Variants in TBC1D19 observed in about 807,000 individuals in gnomAD.
The protein encoded by TBC1D19 is TBC1 domain family, member 19.
In TBC1D19, 60 loss-of-function variants were observed where a neutral mutation model predicts 89.0. The ratio of observed to expected loss-of-function variants is 0.67; its 90% CI spans 0.55 to 0.84. TBC1D19 has a LOEUF of 0.84. Among genes scored for constraint, TBC1D19 ranks in the 40% least tolerant of loss-of-function variants. The pLI is 0.00. For missense variants in TBC1D19, 500 were observed against 610.8 expected, an observed-to-expected ratio of 0.82 and a Z score of 1.91; for synonymous variants, 189 against 199.7, an observed-to-expected ratio of 0.95 and a Z score of 0.45.
At position 26,646,233 on chromosome 4, in the gene TBC1D19, A is replaced by G. The variant is rs1389026258; in HGVS notation, c.480+6046A>G. The stretch of plus-strand genomic sequence containing the variant: ...GAAAAAATGCTCACCATCACTGGCC[A>G]TCAGAGAAATGCAAATCAAAACCAC... On this transcript the variant is annotated intron_variant, in intron 7 of 20. Transcript: ENST00000264866. Among the ~76,000 whole-genome samples the G allele has an allele frequency of 2.0e-5, 3 of 152,290 alleles. No individual in the cohort carries two copies. The East Asian group carries it at 5.8e-4, about 29-fold the overall frequency.
intron 12 of TBC1D19, among the ~76,000 whole-genome samples, chr4:26,686,146 T>C (rs1486085173): frequency 3.3e-5 from 5 of 152,178 alleles, no homozygotes; most frequent in Non-Finnish European, 7.3e-5. Context: ...AAAATCCCTG[T>C]TATTACAGCT....
At chr4:26,838,657 C>G in the TBC1D19 span, among the ~76,000 whole-genome samples, 1 of 152,182 alleles carries the variant, frequency 6.6e-6, no homozygotes, top group Admixed American at 6.5e-5. Context: ...CGGGAGGGAG[C>G]AGACTTCCTG....
At chr4:26,817,981 A>ATATATATATATATATATATATATATAT in the TBC1D19 span, among the ~76,000 whole-genome samples, 2 of 126,048 alleles carry the variant, frequency 1.6e-5, no homozygotes, top group African/African-American at 7.4e-5. Flanking sequence ...AAAAAAAAAA[A>ATATATATATATATATATATATATATAT]ATATATATAT....
rs1258997203 is a variant in TBC1D19, at chr4:26,654,951, G to A, written c.481-4646G>A. ...TTCCTTTGGAGGGGGAAAGGCACTC[G>A]ATTTTTAGAATTTTCAATTTTTCTG... is the stretch of plus-strand genomic sequence containing the variant. On this transcript the variant is annotated intron_variant, in intron 7 of 20. Transcript: ENST00000264866. Among the ~76,000 whole-genome samples the A allele has an allele frequency of 1.3e-5, 2 of 152,250 alleles. 1 individual carries two copies. The highest frequency in any genetic ancestry group is 4.1e-4 in the South Asian group (2 of 4,824).
chr4:26,623,085 G>A (rs923450636), intron 4 of TBC1D19, among the ~76,000 whole-genome samples: 4 of 151,992 alleles, frequency 2.6e-5, no homozygotes, highest in African/African-American at 9.7e-5. Context: ...CCTATTTTGG[G>A]GGGCAATTCT....
intron 13 of TBC1D19, among the ~76,000 whole-genome samples, chr4:26,695,819 G>A (rs1170294041): frequency 6.6e-6 from 1 of 152,120 alleles, no homozygotes; most frequent in Non-Finnish European, 1.5e-5. Flanking sequence ...GAGAGATTTT[G>A]TCACCACCAG....
intron 13 of TBC1D19, among the ~76,000 whole-genome samples, chr4:26,706,336 CTT>C (rs1322163471): frequency 6.6e-6 from 1 of 152,098 alleles, no homozygotes; most frequent in African/African-American, 2.4e-5. Flanking sequence ...ATAGTACTCT[CTT>C]ATAATCCTTT....
At chr4:26,851,311 A>ATCTGTCTGTCTG in the TBC1D19 span, among the ~76,000 whole-genome samples, 6 of 114,790 alleles carry the variant, frequency 5.2e-5, no homozygotes, top group African/African-American at 1.8e-4. Flanking sequence ...TACCCTATCT[A>ATCTGTCTGTCTG]TCTATCTATC....
chr4:26,828,423 G>C, the TBC1D19 span, among the ~76,000 whole-genome samples: 1 of 152,232 alleles, frequency 6.6e-6, no homozygotes, highest in African/African-American at 2.4e-5. Flanking sequence ...GAATGTTGGA[G>C]CTGGTAGTTT....
rs1308056353 is a variant in TBC1D19 at position 26,620,693 on chromosome 4, G to C, written c.294+5G>C. The C allele has an allele frequency of 3.7e-6, 6 of 1,612,046 alleles. No individual in the cohort carries two copies. The highest frequency in any genetic ancestry group is 5.1e-6 in the Non-Finnish European group (6 of 1,179,120). ...GTATACATGAGGAAAGCACAGGTTG[G>C]CTATTGTTCAATTTCATTTTATTTT... On this transcript the variant is annotated splice_donor_5th_base_variant and intron_variant, in intron 4 of 20. Coordinates refer to ENST00000264866, the MANE Select transcript of TBC1D19 (RefSeq NM_018317.4).
chr4:26,686,235 A>C (rs1280625404), intron 12 of TBC1D19, among the ~76,000 whole-genome samples: 2 of 152,244 alleles, frequency 1.3e-5, no homozygotes, highest in Non-Finnish European at 2.9e-5. Flanking sequence ...TGAATGGAAC[A>C]AGGCAATGTT....
At chr4:26,648,012 A>C (rs2109034504) in intron 7 of TBC1D19, among the ~76,000 whole-genome samples, 1 of 152,242 alleles carries the variant, frequency 6.6e-6, no homozygotes, top group Non-Finnish European at 1.5e-5. Flanking sequence ...GAGCTTTTCA[A>C]TTCTGTTTTG....
intron 7 of TBC1D19, among the ~76,000 whole-genome samples, chr4:26,658,487 T>C (rs1451911386): frequency 6.6e-6 from 1 of 152,228 alleles, no homozygotes; most frequent in East Asian, 1.9e-4. Flanking sequence ...TTGGTTACTA[T>C]AGCCTTGTAG....
chr4:26,695,638 C>T (rs1158284055), intron 13 of TBC1D19, among the ~76,000 whole-genome samples: 1 of 152,168 alleles, frequency 6.6e-6, no homozygotes, highest in Non-Finnish European at 1.5e-5. Context: ...AAGGGAATCC[C>T]ATCAGCCTAA....
At chr4:26,817,984 AT>A in the TBC1D19 span, among the ~76,000 whole-genome samples, 326 of 97,532 alleles carry the variant, frequency 3.3e-3, 3 homozygotes, top group Middle Eastern at 5.7e-3. Context: ...AAAAAAAAAT[AT>A]ATATATATAT....
intron 7 of TBC1D19, among the ~76,000 whole-genome samples, chr4:26,648,947 A>C (rs185713795): frequency 2.0e-5 from 3 of 152,014 alleles, no homozygotes; most frequent in African/African-American, 7.2e-5. Flanking sequence ...AAAATTACGA[A>C]TATTTTAAAT....
At chr4:26,751,483 G>A (rs1718957622) in intron 19 of TBC1D19, among the ~76,000 whole-genome samples, 1 of 152,186 alleles carries the variant, frequency 6.6e-6, no homozygotes, top group East Asian at 1.9e-4. Flanking sequence ...TTGGTCTACA[G>A]AAATAGTTTT....
intron 11 of TBC1D19, among the ~76,000 whole-genome samples, chr4:26,678,451 A>G (rs1577920932): frequency 6.6e-6 from 1 of 152,152 alleles, no homozygotes; most frequent in Non-Finnish European, 1.5e-5. Flanking sequence ...CGAGGTATTG[A>G]GAAGTACACA....
the TBC1D19 span, among the ~76,000 whole-genome samples, chr4:26,762,635 AT>A: frequency 6.6e-6 from 1 of 152,212 alleles, no homozygotes; most frequent in Non-Finnish European, 1.5e-5. Flanking sequence ...AAAACTGTAT[AT>A]GTTACCTTAC....
Sources: gnomAD v4.1 joint callset for allele counts (sites outside exome capture counted in the v4.1 genomes callset) on GRCh38, gnomAD v4.1.1 for gene constraint, MANE v1.5 for transcripts, NCBI Gene and HGNC (gene_info 2026-07-23, HGNC 2026-07-21) for gene names.